The following SNTG1 variants were observed in gnomAD, a reference collection of about 807,000 sequenced individuals.
The protein encoded by SNTG1 is syntrophin gamma 1, also known as gamma-1-syntrophin.
Under a neutral mutation model 74.7 loss-of-function variants are expected in SNTG1, and 39 were observed. That is an observed-to-expected ratio of 0.52 (90% CI 0.40 to 0.68). The LOEUF is 0.68. Ranked by LOEUF, SNTG1 falls within the 30% of genes least tolerant of loss-of-function variation. The pLI, the probability that SNTG1 is intolerant of heterozygous loss-of-function variation, is 0.00. For synonymous variants in SNTG1, 254 were observed against 217.1 expected (o/e 1.17, Z -1.49); for missense variants, 685 against 609.5 (o/e 1.12, Z -1.30).
At position 50,619,730 on chromosome 8, in the gene SNTG1, CGA is replaced by C. The variant is rs1491219521; in HGVS notation, c.849+28814_849+28815del. ...TGGGCGACAGAGCGAGACTCCGTCT[CGA>C]AAAAAAAAAAAAAAAAAAGAAAGAT... On this transcript the variant is annotated intron_variant, in intron 13 of 18. Coordinates refer to ENST00000642720, the MANE Select transcript of SNTG1 (RefSeq NM_018967.5). Among the ~76,000 whole-genome samples, 813 of 114,620 alleles carry C rather than the reference CGA, an allele frequency of 7.1e-3. 7 individuals are homozygous for C. Among genetic ancestry groups the C allele is most frequent in the African/African-American group, 0.029 (752 of 25,878 alleles). The allele number at this position is 114,620 out of a possible 152,430, so 75.2% of individuals were successfully genotyped here.
At chr8:50,332,641 T>C (rs1399676917) in intron 2 of SNTG1, among the ~76,000 whole-genome samples, 1 of 152,208 alleles carries the variant, frequency 6.6e-6, no homozygotes, top group Non-Finnish European at 1.5e-5. Context: ...CCATCTTATA[T>C]AGATAATGTA....
chr8:50,457,706 G>A (rs2093519370), intron 8 of SNTG1, among the ~76,000 whole-genome samples: 1 of 152,134 alleles, frequency 6.6e-6, no homozygotes, highest in African/African-American at 2.4e-5. Flanking sequence ...AGCCAAAGCC[G>A]CCATCCAGCA....
At chr8:50,479,550 C>A (rs931022895) in intron 8 of SNTG1, among the ~76,000 whole-genome samples, 1 of 152,058 alleles carries the variant, frequency 6.6e-6, no homozygotes, top group African/African-American at 2.4e-5. Context: ...GCCTTTGATG[C>A]CTCATTTAGC....
At chr8:50,362,894 G>A (rs1227595436) in intron 2 of SNTG1, among the ~76,000 whole-genome samples, 3 of 152,126 alleles carry the variant, frequency 2.0e-5, no homozygotes. Context: ...AACTATCACT[G>A]AAATCTACTG....
chr8:50,168,868 A>G (rs1292635128), intron 1 of SNTG1, among the ~76,000 whole-genome samples: 5 of 152,208 alleles, frequency 3.3e-5, no homozygotes, highest in Non-Finnish European at 7.3e-5. Flanking sequence ...AACATCTTGC[A>G]TAACTGCAGT....
chr8:50,484,145 T>C (rs62515741), intron 8 of SNTG1, among the ~76,000 whole-genome samples: 1,908 of 60,448 alleles, frequency 0.032, 34 homozygotes, highest in South Asian at 0.061. Flanking sequence ...TCCTTCTTTC[T>C]TTCTTTCCTT....
rs903176180 is a variant in SNTG1, at chr8:50,695,474, CTGTT to C, written c.1039-9124_1039-9121del. 3.4e-3 allele frequency among the ~76,000 whole-genome samples: 453 copies of C among 131,572 alleles called. 3 individuals carry two copies. Among genetic ancestry groups the C allele is most frequent in the African/African-American group, 0.012 (437 of 36,930 alleles). The allele number at this position is 131,572 out of a possible 152,430, so 86.3% of individuals were successfully genotyped here. On this transcript the variant is annotated intron_variant, in intron 15 of 18. Transcript: ENST00000642720. Reference sequence around the variant, plus strand: ...ATTATGAGTGACTTTTAATTTTTGTCTGTTTTTTATTTCTTATTTATTTATTTAT... The same window carrying C: ...ATTATGAGTGACTTTTAATTTTTGTCTTTTATTTCTTATTTATTTATTTAT...
intron 2 of SNTG1, among the ~76,000 whole-genome samples, chr8:50,180,451 G>A (rs917024678): frequency 1.3e-5 from 2 of 152,076 alleles, no homozygotes; most frequent in African/African-American, 4.8e-5. Context: ...AAAAAAGAAA[G>A]TAATAAAACG....
intron 9 of SNTG1, among the ~76,000 whole-genome samples, chr8:50,507,488 G>T (rs2094017648): frequency 6.6e-6 from 1 of 151,960 alleles, no homozygotes; most frequent in East Asian, 1.9e-4. Flanking sequence ...ATTTATTAAT[G>T]ATTCAATTTC....
intron 13 of SNTG1, among the ~76,000 whole-genome samples, chr8:50,618,197 G>A (rs562377505): frequency 2.0e-4 from 31 of 152,284 alleles, no homozygotes; most frequent in Admixed American, 7.2e-4. Flanking sequence ...GAAACAACCA[G>A]TACCACTACC....
chr8:49,980,156 A>G (rs911302465), intron 1 of SNTG1, among the ~76,000 whole-genome samples: 1 of 152,160 alleles, frequency 6.6e-6, no homozygotes, highest in Non-Finnish European at 1.5e-5. Flanking sequence ...CCTATTACAC[A>G]TCAAACTCCT....
chr8:50,518,020 A>T (rs1291779719), intron 9 of SNTG1, among the ~76,000 whole-genome samples: 4 of 152,206 alleles, frequency 2.6e-5, no homozygotes, highest in African/African-American at 9.7e-5. Flanking sequence ...TTAGCACCAC[A>T]TCACACTTAT....
At chr8:50,227,921 C>CAAAAAAAAAAAAAAA (rs60255876) in intron 2 of SNTG1, among the ~76,000 whole-genome samples, 1 of 136,238 alleles carries the variant, frequency 7.3e-6, no homozygotes, top group Non-Finnish European at 1.6e-5. Flanking sequence ...AAACAACAAC[C>CAAAAAAAAAAAAAAA]AAAAAAAAAA....
intron 2 of SNTG1, among the ~76,000 whole-genome samples, chr8:50,312,715 T>G (rs2090162895): frequency 6.7e-6 from 1 of 150,022 alleles, no homozygotes; most frequent in South Asian, 2.2e-4. Flanking sequence ...ATCTCTACGT[T>G]TTCTCAATTC....
chr8:50,028,210 C>T (rs1387793320), intron 1 of SNTG1, among the ~76,000 whole-genome samples: 1 of 152,118 alleles, frequency 6.6e-6, no homozygotes, highest in Non-Finnish European at 1.5e-5. Context: ...TGGAATCATA[C>T]AGAATGTGAC....
chr8:50,230,810 G>A (rs1258086670), intron 2 of SNTG1, among the ~76,000 whole-genome samples: 1 of 146,886 alleles, frequency 6.8e-6, no homozygotes, highest in African/African-American at 2.5e-5. Context: ...AGAAAATAGG[G>A]GGAAAACTAT....
intron 1 of SNTG1, among the ~76,000 whole-genome samples, chr8:50,035,978 G>A (rs997986666): frequency 1.3e-5 from 2 of 151,920 alleles, no homozygotes; most frequent in African/African-American, 4.8e-5. Context: ...AAAAAGCAAG[G>A]GAAAATATAG....
At chr8:50,418,995 C>A (rs1422174377) in intron 4 of SNTG1, among the ~76,000 whole-genome samples, 1 of 151,972 alleles carries the variant, frequency 6.6e-6, no homozygotes, top group East Asian at 1.9e-4. Context: ...AAATTAAAAA[C>A]TATGACTATT....
intron 4 of SNTG1, among the ~76,000 whole-genome samples, chr8:50,421,589 T>C (rs1231130006): frequency 6.6e-6 from 1 of 152,160 alleles, no homozygotes; most frequent in Non-Finnish European, 1.5e-5. Flanking sequence ...TAAGAATGCC[T>C]TAACCTCCTA....
Sources: allele counts gnomAD v4.1 joint callset (sites outside exome capture counted in the v4.1 genomes callset), GRCh38; gene constraint gnomAD v4.1.1; transcripts MANE v1.5; gene names NCBI Gene and HGNC (gene_info 2026-07-23, HGNC 2026-07-21).